CCDC7: variants seen among roughly 807,000 people sequenced by gnomAD.
CCDC7 encodes the protein coiled-coil domain containing 7.
A neutral mutation model predicts 196.9 loss-of-function variants in CCDC7; 183 were observed. That is an observed-to-expected ratio of 0.93 (90% CI 0.82 to 1.05). The LOEUF (loss-of-function observed/expected upper bound fraction) is 1.05. CCDC7 is among the 50% of genes least tolerant of loss of function. The probability of loss-of-function intolerance (pLI) is 0.00; values close to 1 mark genes in which losing one functional copy is unlikely to be tolerated. For missense variants in CCDC7, 1,540 were observed against 1,482.2 expected, an observed-to-expected ratio of 1.04 and a Z score of -0.64; for synonymous variants, 525 against 484.6, an observed-to-expected ratio of 1.08 and a Z score of -1.10.
chr10:32,514,497 A>G (rs943805522), intron 9 of CCDC7: 2 of 152,168 alleles, frequency 1.3e-5, no homozygotes, highest in Non-Finnish European at 2.9e-5. Flanking sequence ...TTCCCCAGAT[A>G]TTTCAGAGGG....
At chr10:32,525,390 T>G (rs2048509502) in intron 11 of CCDC7, among the ~76,000 whole-genome samples, 2 of 152,250 alleles carry the variant, frequency 1.3e-5, no homozygotes, top group Admixed American at 1.3e-4. Context: ...GAATTTCTGC[T>G]TGATTCTTTT....
chr10:32,661,753 T>C (rs1049523581), intron 20 of CCDC7, among the ~76,000 whole-genome samples: 3 of 152,198 alleles, frequency 2.0e-5, no homozygotes, highest in African/African-American at 7.2e-5. Context: ...GTATCCAAGA[T>C]ACAAGATGAA....
chr10:32,773,151 T>G (rs59098549), intron 28 of CCDC7, among the ~76,000 whole-genome samples: 21,880 of 152,200 alleles, frequency 0.14, 1,911 homozygotes, highest in African/African-American at 0.25. Context: ...CCTTGGTGAT[T>G]ACATTTTGGC....
chr10:32,688,269 C>A (rs940387385), intron 22 of CCDC7, among the ~76,000 whole-genome samples: 1 of 152,078 alleles, frequency 6.6e-6, no homozygotes, highest in Non-Finnish European at 1.5e-5. Flanking sequence ...CCTGAGAGAT[C>A]TTTATTCTTT....
In CCDC7 at chr10:32,626,933, A is replaced by G. The variant is rs565059480; in HGVS notation, c.1802-7321A>G. Among the ~76,000 whole-genome samples, 77 of 151,908 alleles carry G rather than the reference A, an allele frequency of 5.1e-4. 1 individual carries two copies. In the Middle Eastern group the frequency reaches 0.014, roughly 27 times the overall value. ...TGTGTCTACTTTTTTTGGCAGTACC[A>G]TGCTGTTTTAATTACTATAGTTTTG... On this transcript the variant is annotated intron_variant, in intron 18 of 41. Transcript: ENST00000639629.
At chr10:32,776,989 G>C (rs558442060) in intron 28 of CCDC7, among the ~76,000 whole-genome samples, 89 of 152,188 alleles carry the variant, frequency 5.8e-4, no homozygotes, top group African/African-American at 1.9e-3. Context: ...GAGGTCTGTG[G>C]TATGACTGAA....
chr10:32,679,869 A>G (rs562477629), intron 21 of CCDC7, among the ~76,000 whole-genome samples: 16 of 152,334 alleles, frequency 1.1e-4, no homozygotes, highest in South Asian at 8.3e-4. Flanking sequence ...CATTCCATAC[A>G]AGGGTAAACT....
intron 18 of CCDC7, among the ~76,000 whole-genome samples, chr10:32,585,802 C>A (rs1470723714): frequency 6.6e-6 from 1 of 152,054 alleles, no homozygotes; most frequent in African/African-American, 2.4e-5. Flanking sequence ...GGTTCCAAGC[C>A]TTTGTTATTG....
At chr10:32,725,229 G>A (rs1212577423) in intron 25 of CCDC7, 4 of 416,856 alleles carry the variant, frequency 9.6e-6, no homozygotes, top group South Asian at 1.8e-5. Flanking sequence ...CCTTTCTCTC[G>A]AAGCACCAAC....
intron 21 of CCDC7, among the ~76,000 whole-genome samples, chr10:32,666,883 A>G (rs1190845677): frequency 1.3e-5 from 2 of 152,138 alleles, no homozygotes; most frequent in Non-Finnish European, 2.9e-5. Context: ...TCCTTTGGGT[A>G]TATACCCAGT....
intron 20 of CCDC7, among the ~76,000 whole-genome samples, chr10:32,656,062 A>G (rs908658880): frequency 8.8e-6 from 1 of 114,220 alleles, no homozygotes; most frequent in Non-Finnish European, 1.7e-5. Flanking sequence ...GTTTGATACA[A>G]TCTTATTCTA....
At chr10:32,714,544 A>G (rs12261061) in intron 25 of CCDC7, among the ~76,000 whole-genome samples, 17,260 of 152,180 alleles carry the variant, frequency 0.11, 1,168 homozygotes, top group South Asian at 0.27. Context: ...AATGCCAGTG[A>G]GACAGAACCA....
intron 23 of CCDC7, among the ~76,000 whole-genome samples, chr10:32,690,266 G>A (rs1034761337): frequency 3.3e-5 from 5 of 152,210 alleles, no homozygotes; most frequent in Admixed American, 3.3e-4. Context: ...TCAATATAAT[G>A]AAAGGCTAGT....
At chr10:32,573,578 T>A (rs1235888550) in intron 16 of CCDC7, among the ~76,000 whole-genome samples, 3 of 152,152 alleles carry the variant, frequency 2.0e-5, no homozygotes, top group Non-Finnish European at 4.4e-5. Context: ...ACTTTTCTGA[T>A]AAGTCACATT....
At chr10:32,814,238 G>A (rs185774852) in intron 30 of CCDC7, 132 bp from the exon 32 acceptor site, 6,344 of 631,300 alleles carry the variant, frequency 0.01, 56 homozygotes, top group Middle Eastern at 0.032. Context: ...GATTACAGGC[G>A]TGAGCCACCG....
At chr10:32,561,501 C>G (rs565933664) in intron 13 of CCDC7, among the ~76,000 whole-genome samples, 24 of 150,276 alleles carry the variant, frequency 1.6e-4, no homozygotes, top group African/African-American at 5.6e-4. Context: ...CAAACTCACT[C>G]AAAACCGCTC....
chr10:32,584,140 C>G, intron 17 of CCDC7, 92 bp from the exon 19 acceptor site: 1 of 533,262 alleles, frequency 1.9e-6, no homozygotes, highest in Non-Finnish European at 2.9e-6. Flanking sequence ...AAAGCTAGCT[C>G]TTTTTCTCAA....
upstream of CCDC7, among the ~76,000 whole-genome samples, chr10:32,451,224 A>G (rs1592729195): frequency 6.6e-6 from 1 of 152,290 alleles, no homozygotes; most frequent in Middle Eastern, 3.4e-3. Flanking sequence ...AACACTTACT[A>G]GCTGTGTGAC....
chr10:32,635,620 C>T (rs2065502614), intron 20 of CCDC7, among the ~76,000 whole-genome samples: 1 of 151,676 alleles, frequency 6.6e-6, no homozygotes, highest in Non-Finnish European at 1.5e-5. Context: ...CCCTCATTGC[C>T]ACAAAAACAA....
Sources: gnomAD v4.1 joint callset for allele counts (sites outside exome capture counted in the v4.1 genomes callset) on GRCh38, gnomAD v4.1.1 for gene constraint, MANE v1.5 for transcripts, NCBI Gene and HGNC (gene_info 2026-07-23, HGNC 2026-07-21) for gene names.